The following HDAC9 variants were observed in gnomAD, a reference collection of about 807,000 sequenced individuals.
HDAC9 encodes the protein MEF-2 interacting transcription repressor (MITR) protein.
HDAC9 carries 41 observed loss-of-function variants against 139.4 expected under a neutral mutation model. That is an observed-to-expected ratio of 0.29 (90% CI 0.23 to 0.38). The LOEUF is 0.38. Ranked by LOEUF, HDAC9 falls within the 10% of genes least tolerant of loss-of-function variation. The probability of loss-of-function intolerance (pLI) is 1.00; values close to 1 mark genes in which losing one functional copy is unlikely to be tolerated. For missense variants in HDAC9, 1,147 were observed against 1,297.0 expected, an observed-to-expected ratio of 0.88 and a Z score of 1.78; for synonymous variants, 517 against 476.2, an observed-to-expected ratio of 1.09 and a Z score of -1.12.
chr7:18,935,757 A>T lies in HDAC9; in HGVS notation c.2804-52A>T. On this transcript the variant is annotated intron_variant, in intron 22 of 25. Coordinates refer to ENST00000686413, the MANE Select transcript of HDAC9 (RefSeq NM_178425.4). ...ACATGCTCAATGTTAGATTCTAGTG[A>T]TCACTTTCTCTTGATTTAATACTTT... 1.9e-6 allele frequency: 3 copies of T among 1,540,256 alleles called. No individual in the cohort carries two copies. In the South Asian group the frequency reaches 3.4e-5, roughly 18 times the overall value.
chr7:18,642,269 C>T (rs1785888994), intron 8 of HDAC9, among the ~76,000 whole-genome samples: 1 of 152,018 alleles, frequency 6.6e-6, no homozygotes, highest in Non-Finnish European at 1.5e-5. Context: ...GTGCCAAGTC[C>T]CCTGACTCCC....
chr7:18,590,695 G>A (rs750095710), intron 4 of HDAC9, among the ~76,000 whole-genome samples: 2 of 152,086 alleles, frequency 1.3e-5, no homozygotes, highest in South Asian at 2.1e-4. Context: ...AGAAGCAAAC[G>A]TAACATTATC....
At chr7:18,771,515 T>A (rs562011646) in intron 16 of HDAC9, among the ~76,000 whole-genome samples, 1 of 151,922 alleles carries the variant, frequency 6.6e-6, no homozygotes, top group East Asian at 1.9e-4. Flanking sequence ...AGCTCTCCCC[T>A]CTTATTTATA....
rs116414967 is a variant in HDAC9 at position 18,522,635 on chromosome 7, A to T, written c.22+26311A>T. The stretch of plus-strand genomic sequence containing the variant: ...CAAAAAACAAAAAAAAAAACATCTA[A>T]TGAGCAAACAAACCAAACATGCCTC... On this transcript the variant is annotated intron_variant, in intron 2 of 25. Coordinates refer to ENST00000686413, the MANE Select transcript of HDAC9 (RefSeq NM_178425.4). Among the ~76,000 whole-genome samples, 443 of 152,146 alleles carry T rather than the reference A, an allele frequency of 2.9e-3. 3 individuals are homozygous for T. Among genetic ancestry groups the T allele is most frequent in the African/African-American group, 0.01 (422 of 41,528 alleles).
At chr7:18,259,787 G>A (rs796165316) in intron 2 of HDAC9, among the ~76,000 whole-genome samples, 3 of 152,100 alleles carry the variant, frequency 2.0e-5, no homozygotes, top group Non-Finnish European at 4.4e-5. Flanking sequence ...ATCACCTTTC[G>A]AGCCCACTTT....
At chr7:18,088,947 T>G (rs1781968536) in intron 1 of HDAC9, among the ~76,000 whole-genome samples, 1 of 152,250 alleles carries the variant, frequency 6.6e-6, no homozygotes, top group African/African-American at 2.4e-5. Context: ...AAGAGCAGCA[T>G]TTTCTTAGAA....
chr7:18,627,847 G>A (rs1842113316), intron 6 of HDAC9, among the ~76,000 whole-genome samples: 1 of 151,970 alleles, frequency 6.6e-6, no homozygotes. Context: ...ATAAAATCAG[G>A]TTTACAATAC....
At chr7:18,336,922 A>T (rs958834233) in intron 1 of HDAC9, among the ~76,000 whole-genome samples, 5 of 151,754 alleles carry the variant, frequency 3.3e-5, no homozygotes, top group Admixed American at 3.3e-4. Flanking sequence ...TTTTGTCAGG[A>T]TATATTTTAT....
At chr7:18,379,216 T>G (rs1388173452) in intron 1 of HDAC9, among the ~76,000 whole-genome samples, 4 of 152,214 alleles carry the variant, frequency 2.6e-5, no homozygotes, top group Non-Finnish European at 5.9e-5. Context: ...TAGTATGTCA[T>G]CAGGTTATAT....
chr7:18,144,495 C>T (rs750515562), intron 1 of HDAC9, among the ~76,000 whole-genome samples: 2 of 152,178 alleles, frequency 1.3e-5, no homozygotes, highest in Non-Finnish European at 2.9e-5. Flanking sequence ...TATTCTAATT[C>T]AGTCTCCCTT....
chr7:18,624,445 T>G (rs1584279773), intron 6 of HDAC9, among the ~76,000 whole-genome samples: 3 of 152,208 alleles, frequency 2.0e-5, no homozygotes, highest in Non-Finnish European at 4.4e-5. Flanking sequence ...CAGGCAAATG[T>G]ATTCAGATGA....
rs146929361 is a variant in HDAC9 at position 18,390,982 on chromosome 7, G to C, written c.-42+100467G>C. ...CACACACCTGTAGTCCCAGCTACTA[G>C]GGAGACTGAGGTGGGAGAGTTGCTT... On this transcript the variant is annotated intron_variant, in intron 1 of 3. Coordinates refer to the HDAC9 transcript ENST00000413509. Among the ~76,000 whole-genome samples, 1,247 of 152,254 alleles carry C rather than the reference G, an allele frequency of 8.2e-3. 16 individuals are homozygous for C. Among genetic ancestry groups the C allele is most frequent in the African/African-American group, 0.028 (1,179 of 41,532 alleles).
At chr7:18,802,481 A>T (rs1398317813) in intron 17 of HDAC9, among the ~76,000 whole-genome samples, 1 of 151,920 alleles carries the variant, frequency 6.6e-6, no homozygotes, top group East Asian at 1.9e-4. Context: ...CGGCATCCAC[A>T]TATTATTGAG....
chr7:18,173,967 G>A (rs1017755594), intron 2 of HDAC9, among the ~76,000 whole-genome samples: 3 of 152,066 alleles, frequency 2.0e-5, no homozygotes, highest in East Asian at 1.9e-4. Context: ...GATGTTCTCC[G>A]TATTTCCTGA....
chr7:18,927,537 A>G (rs1804346520), intron 22 of HDAC9, among the ~76,000 whole-genome samples: 1 of 152,198 alleles, frequency 6.6e-6, no homozygotes, highest in South Asian at 2.1e-4. Context: ...TTCTTCAGTA[A>G]TACTTTTTGG....
At chr7:18,093,237 C>T (rs1213246706) in intron 1 of HDAC9, among the ~76,000 whole-genome samples, 3 of 152,172 alleles carry the variant, frequency 2.0e-5, no homozygotes, top group African/African-American at 7.2e-5. Context: ...CTTTGAAAGG[C>T]TAAATACTTT....
At chr7:18,453,004 A>G (rs779182176) in intron 1 of HDAC9, among the ~76,000 whole-genome samples, 16 of 152,136 alleles carry the variant, frequency 1.1e-4, no homozygotes, top group African/African-American at 3.4e-4. Context: ...TTTTTTCCCA[A>G]TGTAAGTTTA....
intron 13 of HDAC9, among the ~76,000 whole-genome samples, chr7:18,729,677 G>GT (rs35242513): frequency 6.6e-6 from 1 of 151,798 alleles, no homozygotes; most frequent in Non-Finnish European, 1.5e-5. Context: ...AGAGAGTTAG[G>GT]TTTTTTTCCC....
At chr7:18,107,806 G>A (rs965620667) in intron 1 of HDAC9, among the ~76,000 whole-genome samples, 2 of 152,188 alleles carry the variant, frequency 1.3e-5, no homozygotes, top group African/African-American at 2.4e-5. Flanking sequence ...TCATTATGCA[G>A]TGGTAGATAG....
Sources: allele counts gnomAD v4.1 joint callset (sites outside exome capture counted in the v4.1 genomes callset), GRCh38; gene constraint gnomAD v4.1.1; transcripts MANE v1.5; gene names NCBI Gene and HGNC (gene_info 2026-07-23, HGNC 2026-07-21).